The following NFIA variants were observed in gnomAD, a reference collection of about 807,000 sequenced individuals.
NFIA encodes the protein nuclear factor I A.
A neutral mutation model predicts 62.8 loss-of-function variants in NFIA; 8 were observed. The observed-to-expected ratio is 0.13, with a 90% CI of 0.07 to 0.23. The LOEUF (loss-of-function observed/expected upper bound fraction) is 0.23. Among genes scored for constraint, NFIA ranks in the 10% least tolerant of loss-of-function variants. The pLI is 1.00. For synonymous variants in NFIA, 235 were observed against 238.1 expected, an observed-to-expected ratio of 0.99 and a Z score of 0.12; for missense variants, 410 against 642.1, an observed-to-expected ratio of 0.64 and a Z score of 3.91.
intron 2 of NFIA, among the ~76,000 whole-genome samples, chr1:61,220,101 TTGA>T (rs1487071685): frequency 6.6e-6 from 1 of 152,214 alleles, no homozygotes; most frequent in Non-Finnish European, 1.5e-5. Context: ...TGTCTTTCTG[TTGA>T]TGAGAAAGGA....
intron 2 of NFIA, among the ~76,000 whole-genome samples, chr1:61,155,310 T>C (rs1648714956): frequency 6.6e-6 from 1 of 152,196 alleles, no homozygotes; most frequent in African/African-American, 2.4e-5. Flanking sequence ...AAATTGTATG[T>C]TCTAGCAATT....
intron 3 of NFIA, among the ~76,000 whole-genome samples, chr1:61,278,439 T>A (rs540339661): frequency 6.6e-6 from 1 of 152,310 alleles, no homozygotes; most frequent in South Asian, 2.1e-4. Context: ...CTGAGGACTC[T>A]GGTGGAATGC....
At chr1:61,146,792 TA>T (rs1344097132) in intron 2 of NFIA, among the ~76,000 whole-genome samples, 1 of 152,180 alleles carries the variant, frequency 6.6e-6, no homozygotes, top group Non-Finnish European at 1.5e-5. Context: ...AAGACGTGTG[TA>T]AAGTCTGTGT....
At chr1:61,341,958 G>A (rs1409504549) in intron 4 of NFIA, among the ~76,000 whole-genome samples, 1 of 152,154 alleles carries the variant, frequency 6.6e-6, no homozygotes, top group African/African-American at 2.4e-5. Context: ...AGATTTGGCT[G>A]GAGTACATTA....
At chr1:61,443,873 A>C (rs1256960654) in intron 10 of NFIA, among the ~76,000 whole-genome samples, 5 of 152,192 alleles carry the variant, frequency 3.3e-5, no homozygotes, top group Admixed American at 2.0e-4. Flanking sequence ...ATAAGCCAGG[A>C]AATCAGCTCT....
chr1:61,211,387 T>A (rs1422545421), intron 2 of NFIA, among the ~76,000 whole-genome samples: 1 of 152,210 alleles, frequency 6.6e-6, no homozygotes, highest in Non-Finnish European at 1.5e-5. Flanking sequence ...CAAATTACAA[T>A]TTATTAGTAA....
intron 2 of NFIA, among the ~76,000 whole-genome samples, chr1:61,183,968 C>T (rs112126065): frequency 3.5e-4 from 53 of 152,106 alleles, no homozygotes; most frequent in African/African-American, 1.1e-3. Flanking sequence ...TTTAATTCCT[C>T]TTGGAAAGTT....
At chr1:61,102,224 A>G (rs1646523204) in intron 2 of NFIA, among the ~76,000 whole-genome samples, 1 of 152,240 alleles carries the variant, frequency 6.6e-6, no homozygotes. Context: ...CATGAAATTC[A>G]AGACAGATTT....
intron 3 of NFIA, among the ~76,000 whole-genome samples, chr1:61,286,368 C>T (rs1252134821): frequency 6.8e-6 from 1 of 146,388 alleles, no homozygotes; most frequent in Non-Finnish European, 1.5e-5. Flanking sequence ...GCAGAGCTTG[C>T]AGTGAGCAGA....
intron 2 of NFIA, among the ~76,000 whole-genome samples, chr1:61,099,693 A>T (rs956079418): frequency 4.6e-5 from 7 of 152,240 alleles, no homozygotes; most frequent in Non-Finnish European, 8.8e-5. Flanking sequence ...ATAGACGTTC[A>T]GAGAGCATCT....
At chr1:61,141,876 A>G (rs796739860) in intron 2 of NFIA, among the ~76,000 whole-genome samples, 9 of 152,338 alleles carry the variant, frequency 5.9e-5, no homozygotes, top group African/African-American at 1.9e-4. Context: ...TTCTGCTGAC[A>G]TAATAGGTAT....
intron 3 of NFIA, among the ~76,000 whole-genome samples, chr1:61,292,023 C>T (rs1041265444): frequency 2.6e-5 from 4 of 152,070 alleles, no homozygotes; most frequent in African/African-American, 9.7e-5. Flanking sequence ...AAAGCGAAGC[C>T]AGTGAGAGAG....
At chr1:61,092,672 A>G (rs138212849) in intron 2 of NFIA, among the ~76,000 whole-genome samples, 415 of 152,256 alleles carry the variant, frequency 2.7e-3, no homozygotes, top group African/African-American at 9.5e-3. Context: ...GCTGTACCTC[A>G]TATTATTCCA....
intron 2 of NFIA, among the ~76,000 whole-genome samples, chr1:61,266,229 A>G (rs1362268395): frequency 2.0e-5 from 3 of 152,170 alleles, no homozygotes; most frequent in African/African-American, 4.8e-5. Context: ...CCTTCTTACC[A>G]CATGAAACAT....
At chr1:61,153,776 G>T (rs1648591874) in intron 2 of NFIA, among the ~76,000 whole-genome samples, 1 of 152,196 alleles carries the variant, frequency 6.6e-6, no homozygotes, top group Admixed American at 6.5e-5. Flanking sequence ...TTGCTGAACT[G>T]CCCTGGTCAT....
chr1:61,433,952 C>T (rs998260558), intron 10 of NFIA, among the ~76,000 whole-genome samples: 2 of 152,160 alleles, frequency 1.3e-5, no homozygotes, highest in East Asian at 3.9e-4. Flanking sequence ...CAAAAGCAAC[C>T]GTCTAGCAAA....
chr1:61,080,017 C>T (rs1044557270), upstream of NFIA, among the ~76,000 whole-genome samples: 1 of 152,092 alleles, frequency 6.6e-6, no homozygotes, highest in African/African-American at 2.4e-5. Context: ...GCCTCCCCCC[C>T]TCCCTCCGCG....
At chr1:61,333,342 G>A (rs1267003111) in intron 4 of NFIA, among the ~76,000 whole-genome samples, 2 of 152,068 alleles carry the variant, frequency 1.3e-5, no homozygotes, top group Non-Finnish European at 2.9e-5. Flanking sequence ...TTCATTTCAG[G>A]TTCATACCCC....
chr1:61,350,041 G>A lies in NFIA; in HGVS notation c.701-2409G>A, dbSNP rs556838793. 1.2e-4 allele frequency among the ~76,000 whole-genome samples: 18 copies of A among 152,032 alleles called. No individual in the cohort carries two copies. The South Asian group carries it at 2.5e-3, about 21-fold the overall frequency. On this transcript the variant is annotated intron_variant, in intron 4 of 10. Coordinates refer to ENST00000403491, the MANE Select transcript of NFIA (RefSeq NM_001134673.4). ...GGTTTGCCTATTATATTCTTCAGGC[G>A]CCCCCCACCCTTTCACCTCCATGCC...
Sources: allele counts gnomAD v4.1 joint callset (sites outside exome capture counted in the v4.1 genomes callset), GRCh38; gene constraint gnomAD v4.1.1; transcripts MANE v1.5; gene names NCBI Gene and HGNC (gene_info 2026-07-23, HGNC 2026-07-21).